Variants in EPB41 observed in about 807,000 individuals in gnomAD.
EPB41 encodes protein 4.1.
Under a neutral mutation model 108.0 loss-of-function variants are expected in EPB41, and 65 were observed. That is an observed-to-expected ratio of 0.60 (90% CI 0.49 to 0.74). The LOEUF (loss-of-function observed/expected upper bound fraction) is 0.74. EPB41 is among the 30% of genes least tolerant of loss of function. The pLI, the probability that EPB41 is intolerant of heterozygous loss-of-function variation, is 0.00. For synonymous variants in EPB41, 336 were observed against 358.9 expected, an observed-to-expected ratio of 0.94 and a Z score of 0.72; for missense variants, 875 against 1,037.0, an observed-to-expected ratio of 0.84 and a Z score of 2.15.
intron 12 of EPB41, among the ~76,000 whole-genome samples, chr1:29,056,652 A>G (rs1645498185): frequency 1.3e-5 from 2 of 152,020 alleles, no homozygotes; most frequent in African/African-American, 2.4e-5. Context: ...CAGCCTCCTG[A>G]GTAGCTGGGA....
In EPB41 at chr1:29,053,194, A is replaced by ATATC; in HGVS notation, c.1728_1729insATCT (p.Ala577IlefsTer5). The ATATC allele has an allele frequency of 6.2e-7, 1 of 1,614,206 alleles. No homozygotes were observed. Among genetic ancestry groups the ATATC allele is most frequent in the Non-Finnish European group, 8.5e-7 (1 of 1,180,036 alleles). On this transcript the variant is annotated frameshift_variant, in exon 12 of 21. Coordinates refer to ENST00000343067, the MANE Select transcript of EPB41 (RefSeq NM_001376013.1). LOFTEE classifies it high-confidence loss of function. Reference sequence around the variant, plus strand: ...CAGGTTGCAGAAGGTGGCGTCCTAGATGCCTCTGCTAAAAAAACAGTGGTC... The same window carrying ATATC: ...CAGGTTGCAGAAGGTGGCGTCCTAGATATCTGCCTCTGCTAAAAAAACAGTGGTC...
intron 1 of EPB41, among the ~76,000 whole-genome samples, chr1:28,907,811 C>T (rs1163767892): frequency 6.7e-6 from 1 of 148,940 alleles, no homozygotes; most frequent in African/African-American, 2.5e-5. Flanking sequence ...AAAGCTAGTG[C>T]CAGATTGGCT....
chr1:28,983,927 C>T (rs1407049700), intron 1 of EPB41, among the ~76,000 whole-genome samples: 1 of 147,938 alleles, frequency 6.8e-6, no homozygotes, highest in Admixed American at 7.0e-5. Context: ...GTCCGGTGTC[C>T]AGGAAAAATG....
chr1:29,015,819 T>C (rs1289943656), intron 6 of EPB41, 52 bp downstream of exon 6: 13 of 1,207,556 alleles, frequency 1.1e-5, no homozygotes, highest in Non-Finnish European at 1.6e-5. Context: ...ATGTGTATGA[T>C]GAGACAGTAA....
chr1:28,917,274 G>T (rs2092750791), intron 1 of EPB41, among the ~76,000 whole-genome samples: 1 of 151,406 alleles, frequency 6.6e-6, no homozygotes, highest in African/African-American at 2.4e-5. Context: ...GTGTATGTGT[G>T]TGTGTGTATT....
At chr1:28,947,107 T>C (rs1484413939) in intron 1 of EPB41, among the ~76,000 whole-genome samples, 1 of 152,172 alleles carries the variant, frequency 6.6e-6, no homozygotes, top group Non-Finnish European at 1.5e-5. Context: ...AGTGTAACTT[T>C]AAACTTGTTG....
At chr1:29,034,846 T>C (rs1266160294) in intron 9 of EPB41, among the ~76,000 whole-genome samples, 1 of 152,166 alleles carries the variant, frequency 6.6e-6, no homozygotes, top group Non-Finnish European at 1.5e-5. Context: ...GAAAAATTGC[T>C]AAGAGACTAG....
chr1:29,112,337 ATCT>A, intron 18 of EPB41, 28 bp from the exon 19 acceptor site: 1 of 1,553,340 alleles, frequency 6.4e-7, no homozygotes, highest in Non-Finnish European at 8.9e-7. Context: ...TATATCGCTG[ATCT>A]CATATGACAT....
intron 1 of EPB41, among the ~76,000 whole-genome samples, chr1:28,973,059 A>G (rs1485936410): frequency 6.6e-6 from 1 of 152,210 alleles, no homozygotes; most frequent in Non-Finnish European, 1.5e-5. Context: ...AAATTGAGTT[A>G]GAAAGGAAAG....
chr1:29,070,882 G>C, intron 16 of EPB41: 2 of 345,122 alleles, frequency 5.8e-6, no homozygotes, highest in Non-Finnish European at 1.0e-5. Flanking sequence ...ATGGCAGGTT[G>C]GTAATCTTCC....
chr1:29,059,145 C>T lies in EPB41; in HGVS notation c.1944+293C>T, dbSNP rs138496137. 1.0e-3 allele frequency among the ~76,000 whole-genome samples: 154 copies of T among 152,246 alleles called. 2 individuals carry two copies. The East Asian group carries it at 0.025, about 25-fold the overall frequency. ...CAAAAATTAGCCAGGCGTGTTGGTGCACGCCTTTAATCCCAGCTACTTGGG... is the reference window on the plus strand; with the variant it reads ...CAAAAATTAGCCAGGCGTGTTGGTGTACGCCTTTAATCCCAGCTACTTGGG... On this transcript the variant is annotated intron_variant, in intron 14 of 20. Coordinates refer to ENST00000343067, the MANE Select transcript of EPB41 (RefSeq NM_001376013.1).
intron 1 of EPB41, among the ~76,000 whole-genome samples, chr1:28,985,320 C>T (rs1208065872): frequency 7.6e-6 from 1 of 132,080 alleles, no homozygotes; most frequent in Admixed American, 7.6e-5. Flanking sequence ...ATTGGGTATA[C>T]AATGATAAAA....
chr1:29,106,099 T>A (rs751523212), intron 17 of EPB41, among the ~76,000 whole-genome samples: 9 of 152,080 alleles, frequency 5.9e-5, no homozygotes, highest in Non-Finnish European at 1.2e-4. Context: ...CATCTAAGAG[T>A]CAAATTGCTG....
At chr1:29,052,364 C>T (rs1644679966) in intron 11 of EPB41, among the ~76,000 whole-genome samples, 1 of 152,156 alleles carries the variant, frequency 6.6e-6, no homozygotes, top group South Asian at 2.1e-4. Context: ...AGTTGAGAAC[C>T]ACTGCCCTAA....
At chr1:28,894,200 C>G (rs1375938259) in intron 1 of EPB41, among the ~76,000 whole-genome samples, 1 of 152,138 alleles carries the variant, frequency 6.6e-6, no homozygotes, top group African/African-American at 2.4e-5. Context: ...CATGTAAGCC[C>G]CACAAGGGCA....
rs1480873820 is a variant in EPB41 at position 28,897,627 on chromosome 1, GA to G, written c.-8+10418del. ...GGGGAGGGGAGGGGAGAGGAGGGGA[GA>G]GGAGGGGAGAGGAGGGGAGAGGAGG... On this transcript the variant is annotated intron_variant, in intron 1 of 16. Transcript: ENST00000347529. Among the ~76,000 whole-genome samples the G allele has an allele frequency of 6.6e-5, 7 of 105,852 alleles. 1 individual carries two copies. The highest frequency in any genetic ancestry group is 4.2e-4 in the South Asian group (1 of 2,394). 69.4% of individuals were successfully genotyped at this position (105,852 alleles called of 152,430 possible). A position where few individuals can be genotyped will look rare whatever the true frequency, so the allele number is the denominator to read the frequency against.
At chr1:28,910,791 A>G (rs1408052785), upstream of EPB41, among the ~76,000 whole-genome samples, 3 of 151,786 alleles carry the variant, frequency 2.0e-5, no homozygotes. Context: ...TGACTGCTCC[A>G]GGGGCTAACA....
intron 3 of EPB41, among the ~76,000 whole-genome samples, chr1:28,994,851 G>T (rs918128539): frequency 6.7e-6 from 1 of 150,144 alleles, no homozygotes; most frequent in African/African-American, 2.5e-5. Flanking sequence ...GTAGAGACAG[G>T]TTCTCACCAT....
intron 7 of EPB41, among the ~76,000 whole-genome samples, chr1:29,022,652 C>T (rs967916213): frequency 2.0e-5 from 3 of 151,736 alleles, no homozygotes; most frequent in Admixed American, 2.0e-4. Context: ...ACCTGGGAGG[C>T]GGTGGTTGCA....
Sources: allele counts gnomAD v4.1 joint callset (sites outside exome capture counted in the v4.1 genomes callset), GRCh38; gene constraint gnomAD v4.1.1; transcripts MANE v1.5; gene names NCBI Gene and HGNC (gene_info 2026-07-23, HGNC 2026-07-21).